Variants in RNLS observed in about 807,000 individuals in gnomAD.
RNLS encodes renalase.
RNLS carries 39 observed loss-of-function variants against 39.8 expected under a neutral mutation model. That is an observed-to-expected ratio of 0.98 (90% CI 0.76 to 1.28). RNLS has a LOEUF of 1.28. Among genes scored for constraint, RNLS ranks in the 50% most tolerant of loss-of-function variants. The probability of loss-of-function intolerance (pLI) is 0.00; values close to 1 mark genes in which losing one functional copy is unlikely to be tolerated. For missense variants in RNLS, 410 were observed against 413.3 expected, an observed-to-expected ratio of 0.99 and a Z score of 0.07; for synonymous variants, 147 against 150.7, an observed-to-expected ratio of 0.98 and a Z score of 0.18.
rs1845916288 is a variant in RNLS, at chr10:88,318,291, T to A, written c.701-3650A>T. ...CCTTGGTGGGCTGCCCTGAAGGCAA[T>A]GGGGAGCACAGCCCACTAAAGTCTC... On this transcript the variant is annotated intron_variant, in intron 5 of 6. Transcript: ENST00000331772. Among the ~76,000 whole-genome samples the A allele has an allele frequency of 2.0e-5, 3 of 152,058 alleles. No individual in the cohort carries two copies. In the South Asian group the frequency reaches 6.2e-4, roughly 32 times the overall value.
At chr10:88,325,369 T>C (rs1846523835) in intron 5 of RNLS, among the ~76,000 whole-genome samples, 1 of 152,158 alleles carries the variant, frequency 6.6e-6, no homozygotes, top group Non-Finnish European at 1.5e-5. Flanking sequence ...GCCACAGCAG[T>C]TTTTAGTCTA....
rs186533683 is a variant in RNLS, at chr10:88,310,584, A to C, written c.876+3882T>G. ...AGCAGGAGGATCACTTCAGGCCAGG[A>C]GTTTGAGACCAGCCTGGGCAACATA... is the stretch of plus-strand genomic sequence containing the variant. On this transcript the variant is annotated intron_variant, in intron 6 of 6. Transcript: ENST00000331772. Among the ~76,000 whole-genome samples, 616 of 152,080 alleles carry C rather than the reference A, an allele frequency of 4.1e-3. 7 individuals are homozygous for C. The highest frequency in any genetic ancestry group is 0.013 in the African/African-American group (547 of 41,482).
chr10:88,395,501 G>A (rs1852506141), intron 4 of RNLS, among the ~76,000 whole-genome samples: 1 of 151,912 alleles, frequency 6.6e-6, no homozygotes, highest in South Asian at 2.1e-4. Flanking sequence ...GATTTGAGCA[G>A]GCAGAATAAA....
At chr10:88,380,363 CTTTTTTTTTTT>C (rs10565402) in intron 4 of RNLS, among the ~76,000 whole-genome samples, 43 of 73,108 alleles carry the variant, frequency 5.9e-4, no homozygotes, top group Non-Finnish European at 2.8e-4. Context: ...GGTTTTGTAT[CTTTTTTTTTTT>C]TTTTTTTTTT....
At chr10:88,184,224 G>A in the RNLS span, among the ~76,000 whole-genome samples, 1 of 152,084 alleles carries the variant, frequency 6.6e-6, no homozygotes, top group Non-Finnish European at 1.5e-5. Flanking sequence ...TCACTCAAGA[G>A]CTACCTGTCC....
chr10:88,514,583 A>T (rs1005263417), intron 4 of RNLS, among the ~76,000 whole-genome samples: 1 of 152,066 alleles, frequency 6.6e-6, no homozygotes, highest in African/African-American at 2.4e-5. Flanking sequence ...TCCTGTCCCC[A>T]ACCCTTGGAA....
At chr10:88,547,416 A>G (rs1384631356) in intron 4 of RNLS, among the ~76,000 whole-genome samples, 1 of 152,206 alleles carries the variant, frequency 6.6e-6, no homozygotes, top group Non-Finnish European at 1.5e-5. Context: ...GTTTTACAAA[A>G]TCTACTAATA....
chr10:88,359,202 G>A (rs746403077), intron 5 of RNLS, among the ~76,000 whole-genome samples: 1 of 152,058 alleles, frequency 6.6e-6, no homozygotes, highest in South Asian at 2.1e-4. Context: ...TGTACTCCCA[G>A]CTACTTGGGA....
rs150593387 is a variant in RNLS at position 88,470,166 on chromosome 10, GT to G, written c.526+102736del. ...TTTTAATTTCAGTTCTCCATTACAT[GT>G]TTTTTTTTAAGCTTTTATTTTAAGT... On this transcript the variant is annotated intron_variant, in intron 4 of 6. Transcript: ENST00000331772. Among the ~76,000 whole-genome samples the G allele has an allele frequency of 1.1e-4, 16 of 150,650 alleles. 1 individual carries two copies. In the South Asian group the frequency reaches 2.1e-3, roughly 20 times the overall value.
At chr10:88,540,561 AC>A (rs1325410743) in intron 4 of RNLS, among the ~76,000 whole-genome samples, 2 of 152,158 alleles carry the variant, frequency 1.3e-5, no homozygotes, top group African/African-American at 4.8e-5. Flanking sequence ...TCAGGCCATG[AC>A]AAGTGAAGTA....
At chr10:88,188,523 G>T in the RNLS span, among the ~76,000 whole-genome samples, 1 of 152,202 alleles carries the variant, frequency 6.6e-6, no homozygotes, top group Non-Finnish European at 1.5e-5. Flanking sequence ...GAAATTTTGG[G>T]TACGATGCTT....
intron 4 of RNLS, among the ~76,000 whole-genome samples, chr10:88,420,622 A>G (rs909795428): frequency 2.0e-5 from 3 of 152,224 alleles, no homozygotes; most frequent in Admixed American, 1.3e-4. Context: ...CATTTATTGT[A>G]TATAGAGCCC....
chr10:88,279,105 G>T (rs182449289), downstream of RNLS, among the ~76,000 whole-genome samples: 353 of 152,100 alleles, frequency 2.3e-3, 2 homozygotes, highest in Non-Finnish European at 3.2e-3. Flanking sequence ...GCCATGCAAG[G>T]TCTCTGAAAG....
At chr10:88,580,517 G>A (rs766638251) in intron 3 of RNLS, among the ~76,000 whole-genome samples, 3 of 151,876 alleles carry the variant, frequency 2.0e-5, no homozygotes, top group Admixed American at 2.0e-4. Flanking sequence ...TCTCAACTTG[G>A]GTACTTAACT....
the RNLS span, among the ~76,000 whole-genome samples, chr10:88,197,433 C>A: frequency 0.92 from 139,544 of 152,166 alleles, 64,162 homozygotes; most frequent in African/African-American, 0.95. Context: ...TCAGCAGTGT[C>A]TCTTCCTTCC....
intron 5 of RNLS, among the ~76,000 whole-genome samples, chr10:88,349,184 C>T (rs921777929): frequency 6.6e-6 from 1 of 152,262 alleles, no homozygotes; most frequent in Admixed American, 6.5e-5. Context: ...GACACTTCCA[C>T]AGCAGTATAT....
chr10:88,280,441 A>C (rs982352198), downstream of RNLS, among the ~76,000 whole-genome samples: 2 of 152,192 alleles, frequency 1.3e-5, no homozygotes, highest in African/African-American at 4.8e-5. Flanking sequence ...GATCAAAGAT[A>C]AGATCATATT....
the RNLS span, among the ~76,000 whole-genome samples, chr10:88,188,787 G>A: frequency 6.6e-6 from 1 of 152,148 alleles, no homozygotes; most frequent in Non-Finnish European, 1.5e-5. Context: ...TAAATAAAAA[G>A]AACAGGAGAA....
intron 4 of RNLS, among the ~76,000 whole-genome samples, chr10:88,496,548 T>C (rs1845185671): frequency 6.6e-6 from 1 of 152,110 alleles, no homozygotes; most frequent in African/African-American, 2.4e-5. Flanking sequence ...CAGAATTTGA[T>C]GAAACTATAA....
Sources: allele counts gnomAD v4.1 joint callset (sites outside exome capture counted in the v4.1 genomes callset), GRCh38; gene constraint gnomAD v4.1.1; transcripts MANE v1.5; gene names NCBI Gene and HGNC (gene_info 2026-07-23, HGNC 2026-07-21).